ZCCHC14: variants seen among roughly 807,000 people sequenced by gnomAD.
ZCCHC14 encodes the protein zinc finger CCHC-type containing 14, also known as zinc finger CCHC domain-containing protein 14.
ZCCHC14 carries 16 observed loss-of-function variants against 85.0 expected under a neutral mutation model. That is an observed-to-expected ratio of 0.19 (90% CI 0.13 to 0.29). ZCCHC14 has a LOEUF of 0.29. Ranked by LOEUF, ZCCHC14 falls within the 10% of genes least tolerant of loss-of-function variation. The pLI is 1.00. For synonymous variants in ZCCHC14, 775 were observed against 630.7 expected (o/e 1.23, Z -3.43); for missense variants, 1,303 against 1,443.5 (o/e 0.90, Z 1.58).
At chr16:87,452,616 G>A (rs532588525) in intron 2 of ZCCHC14, among the ~76,000 whole-genome samples, 3 of 152,248 alleles carry the variant, frequency 2.0e-5, no homozygotes, top group Admixed American at 6.5e-5. Context: ...TCAGGAAACC[G>A]ATTTAATGCA....
intron 3 of ZCCHC14, among the ~76,000 whole-genome samples, chr16:87,427,127 T>G (rs1490323415): frequency 3.9e-5 from 6 of 152,242 alleles, no homozygotes; most frequent in African/African-American, 1.4e-4. Flanking sequence ...GAAACAGTGT[T>G]GGATACTGGG....
chr16:87,442,362 G>C (rs1056415966), intron 2 of ZCCHC14, among the ~76,000 whole-genome samples: 5 of 152,164 alleles, frequency 3.3e-5, no homozygotes, highest in African/African-American at 9.7e-5. Flanking sequence ...ATTCTCTGTA[G>C]GATTAAAGAT....
At chr16:87,425,371 G>A (rs1597407908) in intron 3 of ZCCHC14, among the ~76,000 whole-genome samples, 1 of 152,118 alleles carries the variant, frequency 6.6e-6, no homozygotes, top group East Asian at 1.9e-4. Context: ...GAGGTCAGGA[G>A]TTCAAGACCA....
chr16:87,491,622 G>T lies in ZCCHC14; in HGVS notation c.570+47C>A. The stretch of plus-strand genomic sequence containing the variant: ...GCTGGAGGCTTGGAGTGCAGAGTTG[G>T]GGATGCAGACTTGGGGTACAGGGCA... On this transcript the variant is annotated intron_variant, in intron 1 of 12. Transcript: ENST00000671377. The surrounding 1 kb of genome is among the most constrained non-coding windows in gnomAD (Gnocchi z 5.9). 2.2e-6 allele frequency: 3 copies of T among 1,359,818 alleles called. No homozygotes were observed. The highest frequency in any genetic ancestry group is 6.2e-5 in the East Asian group (2 of 32,330). 84.2% of individuals were successfully genotyped at this position (1,359,818 alleles called of 1,614,324 possible).
intron 7 of ZCCHC14, 83 bp from the exon 8 acceptor site, chr16:87,417,825 T>G (rs1908875473): frequency 4.9e-6 from 7 of 1,439,636 alleles, no homozygotes; most frequent in Non-Finnish European, 6.4e-6. Flanking sequence ...CTTCCAGGCC[T>G]TTCTGTGCCA....
At position 87,420,730 on chromosome 16, in the gene ZCCHC14, CA is replaced by C; in HGVS notation, c.841-15del. The stretch of plus-strand genomic sequence containing the variant: ...GAGCTGACATAGCTGGAAGAGAGGA[CA>C]AGGTAGAGGAGGTGTGTCCAGACCC... On this transcript the variant is annotated splice_polypyrimidine_tract_variant and intron_variant, in intron 4 of 12. Coordinates refer to ENST00000671377, the MANE Select transcript of ZCCHC14 (RefSeq NM_015144.3). This position sits in a 1 kb window ranked among gnomAD's most constrained non-coding sequence, Gnocchi z 5.0. 6.2e-7 allele frequency: 1 copy of C among 1,603,186 alleles called. No individual in the cohort carries two copies. Among genetic ancestry groups the C allele is most frequent in the Non-Finnish European group, 8.5e-7 (1 of 1,173,600 alleles).
At position 87,419,793 on chromosome 16, in the gene ZCCHC14, A is replaced by C. The variant is rs955433019; in HGVS notation, c.1035T>G (p.Leu345=). 1 of 1,603,352 alleles carries C rather than the reference A, an allele frequency of 6.2e-7. No individual in the cohort carries two copies. The highest frequency in any genetic ancestry group is 1.4e-5 in the African/African-American group (1 of 73,836). Residue 345 remains leucine (L), a synonymous_variant, in exon 6 of 13, where the codon CTT becomes CTG. Transcript: ENST00000671377. ...ATTTTACAAACTCACTTGGACTCTG[A>C]AGCTGCTGTGGGGGAGAGGAAGTGC... ...FLSTSSPPQQ[L]QSPSPGNPSL...
intron 2 of ZCCHC14, among the ~76,000 whole-genome samples, chr16:87,433,415 A>G (rs939294985): frequency 3.3e-5 from 5 of 152,180 alleles, no homozygotes; most frequent in African/African-American, 4.8e-5. Context: ...AAGGAGGGAA[A>G]GCAAAGCCAC....
intron 3 of ZCCHC14, among the ~76,000 whole-genome samples, chr16:87,426,377 T>C (rs1009963460): frequency 6.6e-6 from 1 of 152,210 alleles, no homozygotes; most frequent in Non-Finnish European, 1.5e-5. Flanking sequence ...AGAAAAAGTG[T>C]TGCCAATTAG....
intron 2 of ZCCHC14, among the ~76,000 whole-genome samples, chr16:87,444,808 C>G (rs998218334): frequency 3.3e-5 from 5 of 152,124 alleles, no homozygotes; most frequent in African/African-American, 1.2e-4. Flanking sequence ...CCTGGGATTC[C>G]GAACTTGATC....
intron 3 of ZCCHC14, 113 bp downstream of exon 3, chr16:87,433,015 G>T: frequency 1.8e-6 from 2 of 1,121,134 alleles, no homozygotes; most frequent in Admixed American, 4.5e-5. Context: ...ATACAGCACT[G>T]GCACGGGGCT....
chr16:87,438,203 C>A (rs1404327155), intron 2 of ZCCHC14, among the ~76,000 whole-genome samples: 1 of 152,384 alleles, frequency 6.6e-6, no homozygotes, highest in East Asian at 1.9e-4. Context: ...GAGCCCACTG[C>A]ACAGGAGGAA....
At chr16:87,445,885 T>C (rs941275750) in intron 2 of ZCCHC14, among the ~76,000 whole-genome samples, 6 of 152,168 alleles carry the variant, frequency 3.9e-5, no homozygotes, top group Non-Finnish European at 8.8e-5. Context: ...GAAGATTCCA[T>C]CTAATTACGC....
chr16:87,483,183 C>A lies in ZCCHC14; in HGVS notation c.570+8486G>T, dbSNP rs895981407. 2.6e-5 allele frequency among the ~76,000 whole-genome samples: 4 copies of A among 151,728 alleles called. No individual in the cohort carries two copies. In the East Asian group the frequency reaches 7.7e-4, roughly 29 times the overall value. The stretch of plus-strand genomic sequence containing the variant: ...TCTAAAAACTAAGAACCCAGCCAGG[C>A]GCAGTGGCTCACACCTGGAATCCCA... On this transcript the variant is annotated intron_variant, in intron 1 of 12. Transcript: ENST00000671377.
At position 87,460,013 on chromosome 16, in the gene ZCCHC14, C is replaced by G. The variant is rs750505161; in HGVS notation, c.689G>C (p.Ser230Thr). The change falls in exon 2 of 13, where the codon AGC becomes ACC. Residue 230 changes from serine to threonine, a missense_variant. Around this residue, in one of 7 missense-constraint regions of ZCCHC14, gnomAD observed 389 missense variants for 397.8 expected, o/e 0.98. Coordinates refer to ENST00000671377, the MANE Select transcript of ZCCHC14 (RefSeq NM_015144.3). The stretch of plus-strand genomic sequence containing the variant: ...AAACCCGTGCGTGCACTCACCTTTG[C>G]TGTGTTTTCCTAAGGGCCTCTTGGG... ...SLPKRPLGKH[S>T]KVSVEKIDLK... 6 of 1,614,162 alleles carry G rather than the reference C, an allele frequency of 3.7e-6. No individual in the cohort carries two copies. Among genetic ancestry groups the G allele is most frequent in the Non-Finnish European group, 5.1e-6 (6 of 1,180,008 alleles).
intron 8 of ZCCHC14, 150 bp downstream of exon 8, chr16:87,417,310 C>T: frequency 1.6e-6 from 2 of 1,213,196 alleles, no homozygotes; most frequent in East Asian, 4.7e-5. Flanking sequence ...GCGGCCTCCG[C>T]AAAGCCCACC....
At chr16:87,469,839 G>A (rs960725425) in intron 1 of ZCCHC14, among the ~76,000 whole-genome samples, 4 of 152,084 alleles carry the variant, frequency 2.6e-5, no homozygotes, top group African/African-American at 9.7e-5. Context: ...CTGGGGATGA[G>A]GACAGAGCCA....
chr16:87,466,604 A>G (rs11866519), intron 1 of ZCCHC14, among the ~76,000 whole-genome samples: 80,384 of 152,096 alleles, frequency 0.53, 23,066 homozygotes, highest in East Asian at 0.76. Flanking sequence ...ATTAGAAGAC[A>G]AATGGGCTCC....
At chr16:87,451,647 T>C (rs1910709537) in intron 2 of ZCCHC14, among the ~76,000 whole-genome samples, 1 of 152,178 alleles carries the variant, frequency 6.6e-6, no homozygotes, top group Non-Finnish European at 1.5e-5. Flanking sequence ...AATGAAAAGG[T>C]TCAAAGAAGT....
Sources: allele counts gnomAD v4.1 joint callset (sites outside exome capture counted in the v4.1 genomes callset), GRCh38; gene constraint gnomAD v4.1.1; regional missense constraint gnomAD v4.1.1; non-coding constraint Gnocchi (gnomAD v3.1); transcripts MANE v1.5; gene names NCBI Gene and HGNC (gene_info 2026-07-23, HGNC 2026-07-21).